The following TDRD3 variants were observed in gnomAD, a reference collection of about 807,000 sequenced individuals.
TDRD3 encodes tudor domain containing 3, also known as tudor domain-containing protein 3.
TDRD3 carries 45 observed loss-of-function variants against 86.7 expected under a neutral mutation model. That is an observed-to-expected ratio of 0.52 (90% CI 0.41 to 0.67). The LOEUF (loss-of-function observed/expected upper bound fraction) is 0.67. Among genes scored for constraint, TDRD3 ranks in the 30% least tolerant of loss-of-function variants. The pLI is 0.00. For missense variants in TDRD3, 814 were observed against 889.0 expected, an observed-to-expected ratio of 0.92 and a Z score of 1.07; for synonymous variants, 298 against 301.7, an observed-to-expected ratio of 0.99 and a Z score of 0.13.
At chr13:60,533,997 A>T (rs756185866) in intron 11 of TDRD3, among the ~76,000 whole-genome samples, 35 of 152,198 alleles carry the variant, frequency 2.3e-4, no homozygotes, top group Non-Finnish European at 4.1e-4. Context: ...TTCCTAGTTA[A>T]TTAACAGATA....
chr13:60,398,583 C>T (rs1388438525), intron 1 of TDRD3, among the ~76,000 whole-genome samples: 2 of 151,992 alleles, frequency 1.3e-5, no homozygotes, highest in South Asian at 2.1e-4. Flanking sequence ...TTGAAGAAGC[C>T]CCTCCTGATT....
intron 12 of TDRD3, among the ~76,000 whole-genome samples, chr13:60,546,611 A>G (rs943301524): frequency 1.3e-5 from 2 of 152,154 alleles, no homozygotes; most frequent in African/African-American, 4.8e-5. Context: ...TAATGACTAT[A>G]CTTACATTAA....
intron 13 of TDRD3, among the ~76,000 whole-genome samples, chr13:60,569,047 C>G (rs941885638): frequency 6.6e-6 from 1 of 152,150 alleles, no homozygotes; most frequent in African/African-American, 2.4e-5. Context: ...CAGCTCACTC[C>G]AGCCTCTGCC....
chr13:60,549,598 G>A (rs1958002578), intron 12 of TDRD3, among the ~76,000 whole-genome samples: 1 of 152,100 alleles, frequency 6.6e-6, no homozygotes, highest in Non-Finnish European at 1.5e-5. Context: ...ACGTGTATGT[G>A]CACGTGGACA....
In TDRD3 at chr13:60,460,466, G is replaced by C; in HGVS notation, c.279G>C (p.Arg93Ser). 6.3e-7 allele frequency: 1 copy of C among 1,594,452 alleles called. No homozygotes were observed. The highest frequency in any genetic ancestry group is 1.2e-5 in the South Asian group (1 of 86,720). The change falls in exon 4 of 14, where the codon AGG (arginine) becomes AGC (serine). Residue 93 changes from arginine to serine, a missense_variant. Transcript: ENST00000377881. Reference protein sequence around the residue: ...KDNEESQAAPRMLRLQMTDGH... With the variant: ...KDNEESQAAPSMLRLQMTDGH... ...ATGAAGAATCTCAGGCTGCACCAAGGATGCTGCGATTACAGATGACTGATG... is the reference window on the plus strand; with the variant it reads ...ATGAAGAATCTCAGGCTGCACCAAGCATGCTGCGATTACAGATGACTGATG...
chr13:60,437,676 C>G (rs1001835954), intron 1 of TDRD3, among the ~76,000 whole-genome samples: 1 of 151,408 alleles, frequency 6.6e-6, no homozygotes, highest in East Asian at 1.9e-4. Context: ...TCCTATAATT[C>G]TTTAATTCTA....
rs762340645 is a variant in TDRD3, at chr13:60,460,415, T to A, written c.228T>A (p.Ile76=). 2 of 1,602,006 alleles carry A rather than the reference T, an allele frequency of 1.2e-6. No individual in the cohort carries two copies. Among genetic ancestry groups the A allele is most frequent in the Middle Eastern group, 1.7e-4 (1 of 6,028 alleles). ...EGPCVLQIQK[I]RNVAAPKDNE... is the part of the protein sequence containing the mutation. ...CATGTGTTTTGCAAATTCAAAAAAT[T>A]CGCAATGTTGCTGCACCAAAGGATA... The change falls in exon 4 of 14, where the codon ATT becomes ATA. Residue 76 remains isoleucine, a synonymous_variant. Transcript: ENST00000377881.
chr13:60,433,205 C>T (rs534278087), intron 1 of TDRD3, among the ~76,000 whole-genome samples: 1 of 152,230 alleles, frequency 6.6e-6, no homozygotes, highest in South Asian at 2.1e-4. Flanking sequence ...AATGGGCATT[C>T]ATTATTTCAA....
At chr13:60,530,126 C>A (rs1769377260) in intron 11 of TDRD3, among the ~76,000 whole-genome samples, 1 of 152,288 alleles carries the variant, frequency 6.6e-6, no homozygotes, top group Non-Finnish European at 1.5e-5. Flanking sequence ...AAATTTATGA[C>A]AACTTGTAAA....
chr13:60,528,291 G>C, intron 10 of TDRD3, 76 bp from the exon 11 acceptor site: 1 of 1,419,056 alleles, frequency 7.0e-7, no homozygotes, highest in South Asian at 1.6e-5. Flanking sequence ...TGTATTAATA[G>C]AATAAAGCAT....
intron 10 of TDRD3, among the ~76,000 whole-genome samples, chr13:60,526,762 T>G (rs1292514611): frequency 6.6e-6 from 1 of 152,128 alleles, no homozygotes; most frequent in Admixed American, 6.6e-5. Flanking sequence ...TCCATAATTT[T>G]AAAAGTATTT....
chr13:60,563,788 T>G (rs1430235818), intron 12 of TDRD3, among the ~76,000 whole-genome samples: 1 of 152,252 alleles, frequency 6.6e-6, no homozygotes, highest in Non-Finnish European at 1.5e-5. Context: ...GTGTTCCAAG[T>G]GACCAATTTA....
In TDRD3 at chr13:60,441,390, G is replaced by A. The variant is rs1351037952; in HGVS notation, c.126+1618G>A. ...TATTTGTGCTGTGTTCGTAAGAGGT[G>A]CATGCTGACTATTATCTGAATGAGT... On this transcript the variant is annotated intron_variant, in intron 2 of 13. Coordinates refer to ENST00000377881, the MANE Select transcript of TDRD3 (RefSeq NM_001146070.2). Among the ~76,000 whole-genome samples, 4 of 152,042 alleles carry A rather than the reference G, an allele frequency of 2.6e-5. No individual in the cohort carries two copies. The East Asian group carries it at 5.8e-4, about 22-fold the overall frequency.
intron 12 of TDRD3, chr13:60,547,557 A>G (rs1192833511): frequency 4.2e-6 from 1 of 237,846 alleles, no homozygotes; most frequent in Non-Finnish European, 6.8e-6. Context: ...TAAATGATCT[A>G]TGTAAATGTG....
At chr13:60,423,764 T>C (rs567668870) in intron 1 of TDRD3, among the ~76,000 whole-genome samples, 4 of 152,312 alleles carry the variant, frequency 2.6e-5, no homozygotes, top group African/African-American at 7.2e-5. Flanking sequence ...AGTGACACTT[T>C]ATATCATAAT....
intron 4 of TDRD3, among the ~76,000 whole-genome samples, chr13:60,462,124 CTCT>C (rs1955816342): frequency 6.6e-6 from 1 of 152,184 alleles, no homozygotes; most frequent in African/African-American, 2.4e-5. Context: ...TGATTATATT[CTCT>C]TCTTTTTGAA....
chr13:60,419,881 T>A (rs1954612992), intron 1 of TDRD3, among the ~76,000 whole-genome samples: 1 of 152,124 alleles, frequency 6.6e-6, no homozygotes, highest in African/African-American at 2.4e-5. Flanking sequence ...GCTAATATTT[T>A]AAAAATCTAG....
At chr13:60,398,104 C>G (rs1201904726) in intron 1 of TDRD3, among the ~76,000 whole-genome samples, 1 of 152,154 alleles carries the variant, frequency 6.6e-6, no homozygotes, top group Admixed American at 6.5e-5. Flanking sequence ...GATTTGAAAA[C>G]AATACAAAAT....
In TDRD3 at chr13:60,518,891, A is replaced by G. The variant is rs1213821127; in HGVS notation, c.1141+8136A>G. Among the ~76,000 whole-genome samples the G allele has an allele frequency of 2.0e-5, 3 of 152,160 alleles. No individual in the cohort carries two copies. In the East Asian group the frequency reaches 5.8e-4, roughly 29 times the overall value. On this transcript the variant is annotated intron_variant, in intron 10 of 13. Transcript: ENST00000377881. ...CCCACAGTTTTATTAGAATATTATT[A>G]GGGGCGTTTCTAAATTCAGATGATC...
Sources: gnomAD v4.1 joint callset for allele counts (sites outside exome capture counted in the v4.1 genomes callset) on GRCh38, gnomAD v4.1.1 for gene constraint, MANE v1.5 for transcripts, NCBI Gene and HGNC (gene_info 2026-07-23, HGNC 2026-07-21) for gene names.